DCHS2: variants seen among roughly 807,000 people sequenced by gnomAD.
The protein encoded by DCHS2 is dachsous cadherin-related 2, also known as protocadherin-23.
In DCHS2, 142 loss-of-function variants were observed where a neutral mutation model predicts 182.4. The observed-to-expected ratio is 0.78, with a 90% CI of 0.68 to 0.89. The LOEUF (loss-of-function observed/expected upper bound fraction) is 0.89, where lower values mean the gene tolerates loss of function less well. DCHS2 is among the 40% of genes least tolerant of loss of function. DCHS2 has a pLI of 0.00. For synonymous variants in DCHS2, 1,740 were observed against 1,663.3 expected (o/e 1.05, Z -1.12); for missense variants, 4,319 against 4,198.6 (o/e 1.03, Z -0.79).
At chr4:154,469,313 A>T (rs1009196609) in intron 1 of DCHS2, among the ~76,000 whole-genome samples, 1 of 152,108 alleles carries the variant, frequency 6.6e-6, no homozygotes, top group African/African-American at 2.4e-5. Context: ...TAAAAAGTGT[A>T]TTCAATACAA....
chr4:154,397,228 C>T (rs1407556326), intron 1 of DCHS2, among the ~76,000 whole-genome samples: 1 of 152,192 alleles, frequency 6.6e-6, no homozygotes, highest in Non-Finnish European at 1.5e-5. Context: ...AAGCATTTAT[C>T]AGGCTAAACA....
rs1736020735 is a variant in DCHS2 at position 154,320,607 on chromosome 4, C to G, written c.4792G>C (p.Asp1598His). ...TASDQAVNVT[D>H]RRLRSLTAQI... ...GCTGTCAGTGATCTCAGTCGCCGGTCTGTCACATTCACAGCCTGATCAGAT... is the reference window on the plus strand; with the variant it reads ...GCTGTCAGTGATCTCAGTCGCCGGTGTGTCACATTCACAGCCTGATCAGAT... Residue 1598 changes from aspartate (D) to histidine (H), a missense_variant, in exon 9 of 20, where the codon GAC (aspartate) becomes CAC (histidine). Asp to His is a moderately conservative substitution (Grantham distance 81). Coordinates refer to ENST00000357232, the MANE Select transcript of DCHS2 (RefSeq NM_001358235.2). 1 of 1,614,112 alleles carries G rather than the reference C, an allele frequency of 6.2e-7. No individual in the cohort carries two copies. Among genetic ancestry groups the G allele is most frequent in the South Asian group, 1.1e-5 (1 of 91,078 alleles).
In DCHS2 at chr4:154,333,052, A is replaced by G. The variant is rs927969995; in HGVS notation, c.3156T>C (p.Thr1052=). 1 of 1,613,976 alleles carries G rather than the reference A, an allele frequency of 6.2e-7. No individual in the cohort carries two copies. The highest frequency in any genetic ancestry group is 8.5e-7 in the Non-Finnish European group (1 of 1,179,982). Residue 1052 remains threonine, a synonymous_variant, in exon 5 of 20, where the codon ACT becomes ACC. Transcript: ENST00000357232. ...GCACGCCTTGGTCCTCGGCCCTGAGAGTCAGCGTGAGCTCCCGCTGCTCGC... is the reference window on the plus strand; with the variant it reads ...GCACGCCTTGGTCCTCGGCCCTGAGGGTCAGCGTGAGCTCCCGCTGCTCGC... ...GAGEQRELTL[T]LRAEDQGVHP...
chr4:154,255,972 A>G (rs144431619), intron 15 of DCHS2, among the ~76,000 whole-genome samples: 2,838 of 152,262 alleles, frequency 0.019, 39 homozygotes, highest in Non-Finnish European at 0.028. Context: ...AGTTGCTTGA[A>G]TAGGAGAGTT....
intron 1 of DCHS2, among the ~76,000 whole-genome samples, chr4:154,416,759 C>G (rs1732848158): frequency 6.6e-6 from 1 of 152,162 alleles, no homozygotes. Flanking sequence ...TTCCCCGGTG[C>G]TGCTTGTTTA....
intron 14 of DCHS2, among the ~76,000 whole-genome samples, chr4:154,266,655 C>CA (rs34664853): frequency 0.47 from 64,672 of 136,860 alleles, 16,049 homozygotes; most frequent in Non-Finnish European, 0.57. Flanking sequence ...GGCTCCGTCT[C>CA]AAAAAAAAAA....
chr4:154,239,044 G>A (rs147767613), intron 19 of DCHS2, 126 bp downstream of exon 19: 89 of 1,273,446 alleles, frequency 7.0e-5, no homozygotes, highest in Middle Eastern at 5.7e-4. Flanking sequence ...TGAAACAGTC[G>A]TGCTTATAAT....
In DCHS2 at chr4:154,332,767, C is replaced by T. The variant is rs140527010; in HGVS notation, c.3441G>A (p.Gln1147=). 13 of 1,614,110 alleles carry T rather than the reference C, an allele frequency of 8.1e-6. No individual in the cohort carries two copies. In the Admixed American group the frequency reaches 1.5e-4, roughly 19 times the overall value. Residue 1147 remains glutamine, a synonymous_variant, in exon 5 of 20, where the codon CAG becomes CAA. Transcript: ENST00000357232. The stretch of plus-strand genomic sequence containing the variant: ...ATGTTTGGGTGGATTCATAGTCAAA[C>T]TGTCGCCGCAAATAAATCCAGCCCG... ...PYTGWIYLRR[Q]FDYESTQTYN...
At chr4:154,411,428 C>A (rs993887771) in intron 1 of DCHS2, among the ~76,000 whole-genome samples, 5 of 152,058 alleles carry the variant, frequency 3.3e-5, no homozygotes, top group Non-Finnish European at 7.4e-5. Flanking sequence ...GAAACCCTGT[C>A]TCTTCTAAAA....
Position 154,334,890 on chromosome 4 carries a change from T to A in DCHS2, c.2691A>T (p.Thr897=). Residue 897 remains threonine, a synonymous_variant, in exon 4 of 20, where the codon ACA becomes ACT. Coordinates refer to ENST00000357232, the MANE Select transcript of DCHS2 (RefSeq NM_001358235.2). ...TACTCAAGGGCTCTCTTGCTTTCAC[T>A]GTTCCAATGGGACTATCTTCAGGCA... ...EDVPEDSPIG[T]VKAREPLNSS... 1 of 1,613,956 alleles carries A rather than the reference T, an allele frequency of 6.2e-7. No individual in the cohort carries two copies. Among genetic ancestry groups the A allele is most frequent in the Non-Finnish European group, 8.5e-7 (1 of 1,179,774 alleles).
At chr4:154,330,642 A>T (rs1561047041) in intron 5 of DCHS2, among the ~76,000 whole-genome samples, 2 of 152,152 alleles carry the variant, frequency 1.3e-5, no homozygotes, top group Admixed American at 6.5e-5. Flanking sequence ...GTGGCTAAAA[A>T]CTTTTTTCCT....
intron 1 of DCHS2, among the ~76,000 whole-genome samples, chr4:154,418,407 G>A (rs551859657): frequency 2.6e-5 from 4 of 152,210 alleles, no homozygotes; most frequent in Non-Finnish European, 5.9e-5. Flanking sequence ...GTCGCCAGCT[G>A]AGAGTGCCTT....
intron 13 of DCHS2, among the ~76,000 whole-genome samples, chr4:154,293,146 A>G (rs1734740826): frequency 6.6e-6 from 1 of 151,950 alleles, no homozygotes; most frequent in Non-Finnish European, 1.5e-5. Flanking sequence ...TGTGTGCTCT[A>G]CCTTCAACGA....
intron 3 of DCHS2, among the ~76,000 whole-genome samples, chr4:154,359,728 A>G (rs1386117753): frequency 6.6e-6 from 1 of 152,092 alleles, no homozygotes. Context: ...GTATTGGCTG[A>G]AAAAACTAGA....
intron 14 of DCHS2, among the ~76,000 whole-genome samples, chr4:154,262,369 G>T (rs141198185): frequency 2.8e-4 from 43 of 152,264 alleles, no homozygotes; most frequent in South Asian, 1.0e-3. Context: ...ATAATACATG[G>T]GTAGTTTTCA....
intron 1 of DCHS2, among the ~76,000 whole-genome samples, chr4:154,415,023 C>T (rs916478154): frequency 6.6e-6 from 1 of 152,184 alleles, no homozygotes; most frequent in Non-Finnish European, 1.5e-5. Context: ...AAAAGGTTCA[C>T]CCCTGTAACA....
At position 154,329,678 on chromosome 4, in the gene DCHS2, C is replaced by G. The variant is rs200681765; in HGVS notation, c.3763G>C (p.Glu1255Gln). 1 of 1,612,050 alleles carries G rather than the reference C, an allele frequency of 6.2e-7. No homozygotes were observed. The highest frequency in any genetic ancestry group is 8.5e-7 in the Non-Finnish European group (1 of 1,179,830). Residue 1255 changes from glutamate (E) to glutamine (Q), a missense_variant, in exon 6 of 20, where the codon GAG (glutamate) becomes CAG (glutamine). By Grantham distance (29) the Glu-to-Gln change is conservative. Coordinates refer to ENST00000357232, the MANE Select transcript of DCHS2 (RefSeq NM_001358235.2). ...GTCATCTCATGGTGCCCCCGGTGCTCACGATCCAGTGCCACCCAATTGATT... is the reference window on the plus strand; with the variant it reads ...GTCATCTCATGGTGCCCCCGGTGCTGACGATCCAGTGCCACCCAATTGATT... ...ELINWVALDREHRGHHEMTVL... is the reference protein window; with the variant it reads ...ELINWVALDRQHRGHHEMTVL...
chr4:154,332,801 C>A lies in DCHS2; in HGVS notation c.3407G>T (p.Arg1136Leu). The A allele has an allele frequency of 6.2e-7, 1 of 1,614,242 alleles. No homozygotes were observed. The highest frequency in any genetic ancestry group is 8.5e-7 in the Non-Finnish European group (1 of 1,180,050). ...CAAATAAATCCAGCCCGTGTAAGGG[C>A]GGATTCCAAACATAGCAGAGTCTAC... ...PSVDSAMFGI[R>L]PYTGWIYLRR... Residue 1136 changes from arginine to leucine, a missense_variant, in exon 5 of 20, where the codon CGC becomes CTC. By Grantham distance (102) the Arg-to-Leu change is moderately radical. Coordinates refer to ENST00000357232, the MANE Select transcript of DCHS2 (RefSeq NM_001358235.2).
intron 13 of DCHS2, among the ~76,000 whole-genome samples, chr4:154,276,332 GT>G (rs1733852666): frequency 6.6e-6 from 1 of 152,034 alleles, no homozygotes; most frequent in African/African-American, 2.4e-5. Flanking sequence ...AATGTTCTTG[GT>G]TTTTTCTTCT....
Sources: gnomAD v4.1 joint callset for allele counts (sites outside exome capture counted in the v4.1 genomes callset) on GRCh38, gnomAD v4.1.1 for gene constraint, MANE v1.5 for transcripts, NCBI Gene and HGNC (gene_info 2026-07-23, HGNC 2026-07-21) for gene names.